SDK1: variants seen among roughly 807,000 people sequenced by gnomAD.
SDK1 encodes the protein sidekick cell adhesion molecule 1.
Under a neutral mutation model 245.5 loss-of-function variants are expected in SDK1, and 157 were observed. The ratio of observed to expected loss-of-function variants is 0.64; its 90% confidence interval spans 0.56 to 0.73. The LOEUF is 0.73. SDK1 is among the 30% of genes least tolerant of loss of function. SDK1 has a pLI of 0.00. For missense variants in SDK1, 3,583 were observed against 3,002.3 expected, an observed-to-expected ratio of 1.19 and a Z score of -4.52; for synonymous variants, 1,647 against 1,278.5, an observed-to-expected ratio of 1.29 and a Z score of -6.15.
chr7:4,065,852 T>C (rs993226553), intron 19 of SDK1, among the ~76,000 whole-genome samples: 1 of 152,032 alleles, frequency 6.6e-6, no homozygotes, highest in African/African-American at 2.4e-5. Flanking sequence ...AGGCTGGCAG[T>C]AACCAGAACA....
At chr7:3,729,325 G>C (rs561581310) in intron 4 of SDK1, among the ~76,000 whole-genome samples, 2 of 152,184 alleles carry the variant, frequency 1.3e-5, no homozygotes, top group African/African-American at 2.4e-5. Flanking sequence ...TAATGGTTCT[G>C]TTGTTGAAAG....
rs529582497 is a variant in SDK1, at chr7:4,238,933, C to G, written c.6130+1149C>G. Among the ~76,000 whole-genome samples the G allele has an allele frequency of 5.9e-5, 9 of 152,160 alleles. No homozygotes were observed. The South Asian group carries it at 1.9e-3, about 32-fold the overall frequency. On this transcript the variant is annotated intron_variant, in intron 42 of 44. Coordinates refer to ENST00000404826, the MANE Select transcript of SDK1 (RefSeq NM_152744.4). ...TATGCAATATTATAAACACAGTGACCTGGGGCACTGCTCAGACGTTGATGT... is the reference window on the plus strand; with the variant it reads ...TATGCAATATTATAAACACAGTGACGTGGGGCACTGCTCAGACGTTGATGT...
chr7:3,995,046 G>A (rs62439594), intron 14 of SDK1, among the ~76,000 whole-genome samples: 1 of 152,166 alleles, frequency 6.6e-6, no homozygotes, highest in East Asian at 1.9e-4. Context: ...CCGTATAGAG[G>A]TTCTCGTTCC....
At chr7:3,340,525 G>A (rs1780318549) in intron 1 of SDK1, among the ~76,000 whole-genome samples, 1 of 152,142 alleles carries the variant, frequency 6.6e-6, no homozygotes, top group African/African-American at 2.4e-5. Context: ...CACTTTGGGA[G>A]GCCAAGGTGG....
intron 5 of SDK1, among the ~76,000 whole-genome samples, chr7:3,881,541 G>A (rs573887349): frequency 6.6e-6 from 1 of 152,060 alleles, no homozygotes; most frequent in Non-Finnish European, 1.5e-5. Context: ...CTTTGCTATT[G>A]TGACTAGTGC....
intron 35 of SDK1, among the ~76,000 whole-genome samples, chr7:4,205,594 C>T (rs756378191): frequency 6.6e-6 from 1 of 152,146 alleles, no homozygotes; most frequent in Admixed American, 6.5e-5. Context: ...TTTTTCTGTG[C>T]AATTCTATAT....
intron 4 of SDK1, among the ~76,000 whole-genome samples, chr7:3,788,161 G>A (rs1780964948): frequency 6.6e-6 from 1 of 152,158 alleles, no homozygotes; most frequent in Non-Finnish European, 1.5e-5. Context: ...CTGGCTCTGG[G>A]AGAGAGTGCT....
At chr7:3,763,547 C>G (rs1780166163) in intron 4 of SDK1, among the ~76,000 whole-genome samples, 1 of 152,196 alleles carries the variant, frequency 6.6e-6, no homozygotes, top group Non-Finnish European at 1.5e-5. Context: ...TGCCCCTAAA[C>G]ACTTCACCAT....
rs540686201 is a variant in SDK1 at position 4,026,139 on chromosome 7, G to A, written c.2602+8787G>A. 1.3e-5 allele frequency among the ~76,000 whole-genome samples: 2 copies of A among 152,364 alleles called. No individual in the cohort carries two copies. Among genetic ancestry groups the A allele is most frequent in the Non-Finnish European group, 2.9e-5 (2 of 68,040 alleles). ...ACAGTCCCCATGCTGTATGGAAAAG[G>A]CCCCTTGCCCCACGGCTGGAGAGGG... On this transcript the variant is annotated intron_variant, in intron 17 of 44. Coordinates refer to ENST00000404826, the MANE Select transcript of SDK1 (RefSeq NM_152744.4). The surrounding 1 kb of genome is among the most constrained non-coding windows in gnomAD (Gnocchi z 4.1).
At chr7:3,625,393 A>G (rs952270579) in intron 2 of SDK1, among the ~76,000 whole-genome samples, 1 of 152,222 alleles carries the variant, frequency 6.6e-6, no homozygotes, top group African/African-American at 2.4e-5. Context: ...TTTGCAACAA[A>G]TCAGACAGTT....
chr7:3,987,727 G>A (rs1326635692), intron 14 of SDK1, among the ~76,000 whole-genome samples: 1 of 151,880 alleles, frequency 6.6e-6, no homozygotes, highest in African/African-American at 2.4e-5. Context: ...GGTGTCAAGT[G>A]TTCAGCACCC....
intron 1 of SDK1, among the ~76,000 whole-genome samples, chr7:3,323,010 G>A (rs4343996): frequency 0.62 from 93,519 of 151,884 alleles, 30,104 homozygotes; most frequent in African/African-American, 0.83. Flanking sequence ...CCATGTTGCC[G>A]AGGCTCGTCT....
chr7:3,984,376 T>A (rs778473451), intron 13 of SDK1, among the ~76,000 whole-genome samples: 1 of 152,186 alleles, frequency 6.6e-6, no homozygotes, highest in Non-Finnish European at 1.5e-5. Context: ...CACTCTCACC[T>A]TGGGCTAAGA....
Position 3,662,035 on chromosome 7 carries a change from G to A in SDK1, c.713+19930G>A, listed in dbSNP as rs79905031. Among the ~76,000 whole-genome samples, 249 of 130,582 alleles carry A rather than the reference G, an allele frequency of 1.9e-3. 1 individual carries two copies. Among genetic ancestry groups the A allele is most frequent in the African/African-American group, 6.6e-3 (235 of 35,834 alleles). The allele number at this position is 130,582 out of a possible 152,430, so 85.7% of individuals were successfully genotyped here. On this transcript the variant is annotated intron_variant, in intron 4 of 44. Coordinates refer to ENST00000404826, the MANE Select transcript of SDK1 (RefSeq NM_152744.4). ...TGTTTCAAATAGAGGAAGAGGCAAC[G>A]GTTGTATTTTTTTTTTTTTTTTTTT...
intron 1 of SDK1, among the ~76,000 whole-genome samples, chr7:3,375,251 A>G (rs1207029440): frequency 6.6e-6 from 1 of 152,170 alleles, no homozygotes; most frequent in African/African-American, 2.4e-5. Context: ...TTGCCTTTAC[A>G]TGTCACAAAC....
At chr7:4,051,871 A>G in intron 19 of SDK1, 41 bp downstream of exon 19, 1 of 1,567,238 alleles carries the variant, frequency 6.4e-7, no homozygotes, top group Non-Finnish European at 8.7e-7. Flanking sequence ...TCACTTGTCA[A>G]AGAGGTGTAT....
At chr7:3,912,675 C>T (rs918441953) in intron 5 of SDK1, among the ~76,000 whole-genome samples, 6 of 152,352 alleles carry the variant, frequency 3.9e-5, no homozygotes, top group East Asian at 3.9e-4. Flanking sequence ...GCCCACCCCA[C>T]GGATGGCTTT....
chr7:3,507,092 C>T (rs541798671), intron 1 of SDK1, among the ~76,000 whole-genome samples: 1 of 152,134 alleles, frequency 6.6e-6, no homozygotes, highest in South Asian at 2.1e-4. Flanking sequence ...TTGTTTAGCC[C>T]TAATCCCGGT....
chr7:4,193,372 TTATATATATATA>T lies in SDK1; in HGVS notation c.5099-12492_5099-12481del, dbSNP rs10536828. ...AATATATTTATATATATTAAAATATTTATATATATATATATATATATATATAAAGGGGAGTTT... is the reference window on the plus strand; with the variant it reads ...AATATATTTATATATATTAAAATATTTATATATATATATAAAGGGGAGTTT... On this transcript the variant is annotated intron_variant, in intron 35 of 44. Coordinates refer to ENST00000404826, the MANE Select transcript of SDK1 (RefSeq NM_152744.4). Among the ~76,000 whole-genome samples the T allele has an allele frequency of 7.9e-3, 816 of 102,870 alleles. 13 individuals are homozygous for T. Among genetic ancestry groups the T allele is most frequent in the African/African-American group, 0.03 (774 of 25,486 alleles). 67.5% of individuals were successfully genotyped at this position (102,870 alleles called of 152,430 possible). A position where few individuals can be genotyped will look rare whatever the true frequency, so the allele number is the denominator to read the frequency against.
Sources: allele counts gnomAD v4.1 joint callset (sites outside exome capture counted in the v4.1 genomes callset), GRCh38; gene constraint gnomAD v4.1.1; non-coding constraint Gnocchi (gnomAD v3.1); transcripts MANE v1.5; gene names NCBI Gene and HGNC (gene_info 2026-07-23, HGNC 2026-07-21).